Variants in CCDC178 observed in about 807,000 individuals in gnomAD.
The protein encoded by CCDC178 is coiled-coil domain-containing protein 178.
In CCDC178, 126 loss-of-function variants were observed where a neutral mutation model predicts 117.4. That is an observed-to-expected ratio of 1.07 (90% CI 0.93 to 1.24). The LOEUF (loss-of-function observed/expected upper bound fraction) is 1.24, where lower values mean the gene tolerates loss of function less well. CCDC178 is among the 50% of genes most tolerant of loss of function. The pLI, the probability that CCDC178 is intolerant of heterozygous loss-of-function variation, is 0.00. For missense variants in CCDC178, 1,030 were observed against 986.9 expected, an observed-to-expected ratio of 1.04 and a Z score of -0.59; for synonymous variants, 283 against 313.4, an observed-to-expected ratio of 0.90 and a Z score of 1.02.
At chr18:33,383,624 C>T (rs972614375) in intron 5 of CCDC178, among the ~76,000 whole-genome samples, 1 of 151,914 alleles carries the variant, frequency 6.6e-6, no homozygotes, top group Non-Finnish European at 1.5e-5. Context: ...ATAAGAGGGG[C>T]CTGACTATTA....
chr18:32,950,049 T>C (rs2054446170), intron 22 of CCDC178, among the ~76,000 whole-genome samples: 1 of 152,142 alleles, frequency 6.6e-6, no homozygotes, highest in African/African-American at 2.4e-5. Flanking sequence ...TACAAACATG[T>C]CATATGTAAC....
chr18:33,158,656 C>T lies in CCDC178; in HGVS notation c.2238+53240G>A, dbSNP rs1255110310. 5.9e-5 allele frequency among the ~76,000 whole-genome samples: 9 copies of T among 152,064 alleles called. No individual in the cohort carries two copies. The South Asian group carries it at 1.9e-3, about 32-fold the overall frequency. On this transcript the variant is annotated intron_variant, in intron 20 of 22. Coordinates refer to ENST00000383096, the MANE Select transcript of CCDC178 (RefSeq NM_001105528.4). The stretch of plus-strand genomic sequence containing the variant: ...TGGTATCTGAAGGGCCTTTCAAGAT[C>T]ATCTAATCCAAATTCTTTATTTCAA...
At chr18:33,402,456 G>C (rs1165698188) in intron 3 of CCDC178, among the ~76,000 whole-genome samples, 1 of 152,124 alleles carries the variant, frequency 6.6e-6, no homozygotes, top group Non-Finnish European at 1.5e-5. Context: ...AGGAAGAAGA[G>C]AGTTGCAGTT....
intron 12 of CCDC178, among the ~76,000 whole-genome samples, chr18:33,285,261 A>G (rs904028490): frequency 3.3e-5 from 5 of 152,198 alleles, no homozygotes; most frequent in Admixed American, 2.0e-4. Context: ...GGGCCATTAA[A>G]AAATTAAACA....
intron 11 of CCDC178, among the ~76,000 whole-genome samples, chr18:33,303,951 C>A (rs1006608677): frequency 7.9e-5 from 12 of 152,092 alleles, no homozygotes; most frequent in Non-Finnish European, 1.6e-4. Flanking sequence ...GAAGAAGCCA[C>A]CGGGAATCCT....
intron 20 of CCDC178, among the ~76,000 whole-genome samples, chr18:33,142,472 A>G (rs1173114352): frequency 6.6e-6 from 1 of 152,188 alleles, no homozygotes; most frequent in Non-Finnish European, 1.5e-5. Context: ...TTTACATAGA[A>G]TGGATGACTA....
chr18:33,292,386 G>C (rs971868349), intron 12 of CCDC178, among the ~76,000 whole-genome samples: 4 of 152,132 alleles, frequency 2.6e-5, no homozygotes, highest in Non-Finnish European at 5.9e-5. Context: ...TCTCACAGAA[G>C]CAGAGAGTAG....
chr18:33,107,745 T>G (rs2057727189), intron 20 of CCDC178, among the ~76,000 whole-genome samples: 1 of 151,748 alleles, frequency 6.6e-6, no homozygotes, highest in South Asian at 2.1e-4. Context: ...TTGTATCATT[T>G]CCAGTACTGG....
At chr18:33,337,016 C>T (rs979117803) in intron 9 of CCDC178, among the ~76,000 whole-genome samples, 1 of 151,928 alleles carries the variant, frequency 6.6e-6, no homozygotes, top group African/African-American at 2.4e-5. Context: ...AATGTTGATT[C>T]TATCCATCCA....
Position 33,070,866 on chromosome 18 carries a change from TTTAAA to T in CCDC178, c.2388+21890_2388+21894del, listed in dbSNP as rs1330940671. 5.3e-5 allele frequency among the ~76,000 whole-genome samples: 8 copies of T among 152,034 alleles called. No homozygotes were observed. The East Asian group carries it at 1.5e-3, about 29-fold the overall frequency. ...TAAAGACAAAGAGACAGTTTTCAAA[TTTAAA>T]TTAATTTGATTAATAAAGACAAATG... On this transcript the variant is annotated intron_variant, in intron 21 of 22. Transcript: ENST00000383096.
intron 19 of CCDC178, among the ~76,000 whole-genome samples, chr18:33,215,239 T>G (rs2059150807): frequency 6.6e-6 from 1 of 151,980 alleles, no homozygotes; most frequent in South Asian, 2.1e-4. Flanking sequence ...ACATGGAGTA[T>G]AAATACTGAT....
chr18:33,323,621 G>T lies in CCDC178; in HGVS notation c.892C>A (p.His298Asn). 6.6e-7 allele frequency: 1 copy of T among 1,522,328 alleles called. No individual in the cohort carries two copies. The highest frequency in any genetic ancestry group is 8.8e-7 in the Non-Finnish European group (1 of 1,136,416). 94.3% of individuals were successfully genotyped at this position (1,522,328 alleles called of 1,614,324 possible). Reference protein sequence around the residue: ...YKKKMEVMDLHRKVNEELEEA... With the variant: ...YKKKMEVMDLNRKVNEELEEA... ...TCAAGTTCTTCATTAACTTTTCTGT[G>T]TAGGTCCATTACCTAGAAATGAAAA... The change falls in exon 11 of 23, where the codon CAC becomes AAC. Residue 298 changes from histidine (H) to asparagine (N), a missense_variant. Coordinates refer to ENST00000383096, the MANE Select transcript of CCDC178 (RefSeq NM_001105528.4).
intron 20 of CCDC178, among the ~76,000 whole-genome samples, chr18:33,149,694 A>G (rs1426968069): frequency 1.3e-5 from 2 of 152,122 alleles, no homozygotes; most frequent in African/African-American, 4.8e-5. Context: ...CCATTATACA[A>G]TCTCCCCTTT....
At chr18:33,359,944 AATT>A (rs2063103545) in intron 6 of CCDC178, among the ~76,000 whole-genome samples, 1 of 151,350 alleles carries the variant, frequency 6.6e-6, no homozygotes, top group South Asian at 2.1e-4. Context: ...TTTTATTGGA[AATT>A]ATTACCAAAT....
chr18:33,415,641 A>G (rs2063929837), intron 2 of CCDC178, among the ~76,000 whole-genome samples: 1 of 152,186 alleles, frequency 6.6e-6, no homozygotes, highest in African/African-American at 2.4e-5. Flanking sequence ...GCACATGTAT[A>G]CATATGTAAC....
intron 20 of CCDC178, among the ~76,000 whole-genome samples, chr18:33,140,409 A>C (rs271496): frequency 6.6e-6 from 1 of 151,990 alleles, no homozygotes; most frequent in African/African-American, 2.4e-5. Flanking sequence ...TTGGGAGGGA[A>C]GTTGTACCCT....
In CCDC178 at chr18:32,974,688, G is replaced by A. The variant is rs115131430; in HGVS notation, c.2389-7C>T. ...TTCTCTGCAGCTGACAGAGCTAAAG[G>A]GAAGAGGGAGGGGAGAAAACACAAG... On this transcript the variant is annotated splice_polypyrimidine_tract_variant and splice_region_variant and intron_variant, in intron 21 of 22. Coordinates refer to ENST00000383096, the MANE Select transcript of CCDC178 (RefSeq NM_001105528.4). 532 of 1,611,674 alleles carry A rather than the reference G, an allele frequency of 3.3e-4. 2 individuals carry two copies. The African/African-American group carries it at 6.0e-3, about 18-fold the overall frequency.
chr18:33,224,229 C>T (rs1198738968), intron 17 of CCDC178, among the ~76,000 whole-genome samples: 1 of 152,172 alleles, frequency 6.6e-6, no homozygotes, highest in African/African-American at 2.4e-5. Context: ...TTGCCACACC[C>T]TCTAGTTCTC....
At chr18:32,995,134 T>C (rs2055475769) in intron 21 of CCDC178, among the ~76,000 whole-genome samples, 1 of 152,154 alleles carries the variant, frequency 6.6e-6, no homozygotes, top group Non-Finnish European at 1.5e-5. Context: ...ATTTTATTAA[T>C]CTACATATAG....
Sources: gnomAD v4.1 joint callset for allele counts (sites outside exome capture counted in the v4.1 genomes callset) on GRCh38, gnomAD v4.1.1 for gene constraint, MANE v1.5 for transcripts, NCBI Gene and HGNC (gene_info 2026-07-23, HGNC 2026-07-21) for gene names.